The following CA5B variants were observed in gnomAD, a reference collection of about 807,000 sequenced individuals.
The protein encoded by CA5B is carbonic anhydrase 5B, mitochondrial.
CA5B carries 15 observed loss-of-function variants against 23.1 expected under a neutral mutation model. The observed-to-expected ratio is 0.65, with a 90% CI of 0.43 to 1.00. The LOEUF (loss-of-function observed/expected upper bound fraction) is 1.00. CA5B is among the 50% of genes least tolerant of loss of function. CA5B has a pLI of 0.00. For missense variants in CA5B, 236 were observed against 252.2 expected, an observed-to-expected ratio of 0.94 and a Z score of 0.43; for synonymous variants, 84 against 98.5, an observed-to-expected ratio of 0.85 and a Z score of 0.87.
chrX:15,760,377 A>G (rs1314376084), intron 2 of CA5B, among the ~76,000 whole-genome samples: 2 of 111,407 alleles, frequency 1.8e-5, no homozygotes, highest in Non-Finnish European at 3.8e-5. Context: ...AGTGAGTTGG[A>G]TGGTCTAACC....
At chrX:15,767,893 T>C in intron 3 of CA5B, among the ~76,000 whole-genome samples, 1 of 78,930 alleles carries the variant, frequency 1.3e-5, no homozygotes, top group Middle Eastern at 8.0e-3. Flanking sequence ...CCACTGCACC[T>C]GGCCTTTTTT....
At chrX:15,755,910 C>T (rs1263644436) in intron 2 of CA5B, among the ~76,000 whole-genome samples, 5 of 112,646 alleles carry the variant, frequency 4.4e-5, no homozygotes, top group Non-Finnish European at 7.5e-5. Context: ...ATCACTTTAA[C>T]ATGAAATGAA....
intron 2 of CA5B, 125 bp from the exon 3 acceptor site, chrX:15,764,453 T>A (rs1324374473): frequency 1.9e-6 from 2 of 1,038,645 alleles, no homozygotes; most frequent in Non-Finnish European, 2.6e-6. Flanking sequence ...TTTCCTAGGC[T>A]GGTCTCAAAC....
chrX:15,764,336 G>A (rs945274225), intron 2 of CA5B, among the ~76,000 whole-genome samples: 1 of 108,807 alleles, frequency 9.2e-6, no homozygotes, highest in Non-Finnish European at 1.9e-5. Context: ...TCGACCTCCC[G>A]GGCTCAATCC....
In CA5B at chrX:15,782,595, C is replaced by T. The variant is rs771333148; in HGVS notation, c.885C>T (p.Ser295=). ...TGATGAATCGCACTGTTCGTTCATC[C>T]TTCCGGCATGATTATGTGCTGAATG... ...QPLMNRTVRS[S]FRHDYVLNVQ... Residue 295 remains serine, a synonymous_variant, in exon 8 of 8, where the codon TCC becomes TCT. Transcript: ENST00000318636. The T allele has an allele frequency of 9.9e-6, 12 of 1,207,375 alleles. No homozygotes were observed. The highest frequency in any genetic ancestry group is 3.5e-5 in the African/African-American group (2 of 57,029).
chrX:15,752,319 A>G (rs1356989446), intron 2 of CA5B, among the ~76,000 whole-genome samples: 2 of 111,735 alleles, frequency 1.8e-5, no homozygotes, highest in Non-Finnish European at 1.9e-5. Flanking sequence ...CTTTGGCATA[A>G]CATTACAAGA....
chrX:15,770,086 G>A (rs1931789089), intron 3 of CA5B, among the ~76,000 whole-genome samples: 1 of 111,620 alleles, frequency 9.0e-6, no homozygotes, highest in African/African-American at 3.3e-5. Context: ...GGCCGATGTG[G>A]GTGGATCACT....
intron 7 of CA5B, among the ~76,000 whole-genome samples, chrX:15,777,815 C>T (rs1931958676): frequency 8.9e-6 from 1 of 111,746 alleles, no homozygotes; most frequent in Non-Finnish European, 1.9e-5. Context: ...TAGAGACTTC[C>T]CTATCTTGAT....
At position 15,776,752 on chromosome X, in the gene CA5B, C is replaced by A. The variant is rs751204543; in HGVS notation, c.657C>A (p.Cys219Ter). 1 of 1,207,439 alleles carries A rather than the reference C, an allele frequency of 8.3e-7. No individual in the cohort carries two copies. The highest frequency in any genetic ancestry group is 1.1e-6 in the Non-Finnish European group (1 of 892,838). Residue 219 changes from cysteine (C) to a stop codon, truncating the protein, a stop_gained, in exon 7 of 8, where the codon TGC (cysteine) becomes TGA (stop). Coordinates refer to ENST00000318636, the MANE Select transcript of CA5B (RefSeq NM_007220.4). LOFTEE classifies it high-confidence loss of function. ...LVEFGSFDPSCLMPTCPDYWT... is the reference protein window; with the variant it reads ...LVEFGSFDPS The stretch of plus-strand genomic sequence containing the variant: ...AATTTGGGTCATTTGACCCTTCCTG[C>A]CTGATGCCTACCTGCCCAGATTACT...
intron 3 of CA5B, chrX:15,767,078 A>C: frequency 1.1e-6 from 1 of 894,735 alleles, no homozygotes; most frequent in Non-Finnish European, 1.4e-6. Flanking sequence ...TGCCAGACGT[A>C]AACTAATGGG....
chrX:15,774,502 G>A (rs1931882338), intron 5 of CA5B, 105 bp downstream of exon 5: 29 of 969,513 alleles, frequency 3.0e-5, no homozygotes, highest in Non-Finnish European at 3.5e-5. Context: ...TCCATACATT[G>A]GTAAGATAAA....
At chrX:15,746,526 G>A (rs1931237400) in intron 1 of CA5B, among the ~76,000 whole-genome samples, 1 of 111,708 alleles carries the variant, frequency 9.0e-6, no homozygotes, top group South Asian at 3.7e-4. Context: ...CATTGTAACC[G>A]CCCAGTGGGT....
At chrX:15,752,604 A>G (rs1255189809) in intron 2 of CA5B, among the ~76,000 whole-genome samples, 1 of 110,977 alleles carries the variant, frequency 9.0e-6, no homozygotes, top group Non-Finnish European at 1.9e-5. Context: ...GGGCGCCTGC[A>G]GTCCCAGCTA....
intron 6 of CA5B, 166 bp downstream of exon 6, chrX:15,775,474 C>G (rs1050384756): frequency 2.0e-6 from 2 of 992,316 alleles, no homozygotes; most frequent in Admixed American, 4.9e-5. Flanking sequence ...AGTCATCATT[C>G]TGTGGGTAGG....
intron 2 of CA5B, among the ~76,000 whole-genome samples, chrX:15,762,030 G>A (rs1931612249): frequency 8.9e-6 from 1 of 111,940 alleles, no homozygotes; most frequent in African/African-American, 3.3e-5. Context: ...CACTTTGGGA[G>A]GCTGAGGTGG....
At chrX:15,781,513 A>G (rs1601796592) in intron 7 of CA5B, among the ~76,000 whole-genome samples, 1 of 112,196 alleles carries the variant, frequency 8.9e-6, no homozygotes, top group African/African-American at 3.2e-5. Context: ...CCCAGTAGCC[A>G]CATGTGGCTT....
intron 2 of CA5B, among the ~76,000 whole-genome samples, chrX:15,755,715 C>T (rs1034576220): frequency 8.9e-6 from 1 of 112,085 alleles, no homozygotes; most frequent in African/African-American, 3.2e-5. Context: ...GTGGGACGAT[C>T]GCTTGAGGCC....
intron 3 of CA5B, among the ~76,000 whole-genome samples, chrX:15,770,750 CCTTTT>C (rs1431807205): frequency 1.8e-5 from 2 of 108,899 alleles, no homozygotes; most frequent in East Asian, 2.9e-4. Flanking sequence ...TCTTTCCTTT[CCTTTT>C]CTTTTCTATG....
intron 2 of CA5B, among the ~76,000 whole-genome samples, chrX:15,754,031 C>G (rs757758284): frequency 1.1e-4 from 12 of 112,444 alleles, no homozygotes; most frequent in African/African-American, 3.9e-4. Flanking sequence ...TACAAAGATT[C>G]TGTTATGTCA....
Sources: allele counts gnomAD v4.1 joint callset (sites outside exome capture counted in the v4.1 genomes callset), GRCh38; gene constraint gnomAD v4.1.1; transcripts MANE v1.5; gene names NCBI Gene and HGNC (gene_info 2026-07-23, HGNC 2026-07-21).